Variants in HDAC9 observed in about 807,000 individuals in gnomAD.
HDAC9 encodes the protein histone deacetylase 9.
Under a neutral mutation model 139.4 loss-of-function variants are expected in HDAC9, and 41 were observed. The ratio of observed to expected loss-of-function variants is 0.29; its 90% confidence interval spans 0.23 to 0.38. The LOEUF (loss-of-function observed/expected upper bound fraction) is 0.38. Ranked by LOEUF, HDAC9 falls within the 10% of genes least tolerant of loss-of-function variation. The probability of loss-of-function intolerance (pLI) is 1.00; values close to 1 mark genes in which losing one functional copy is unlikely to be tolerated. For synonymous variants in HDAC9, 517 were observed against 476.2 expected (o/e 1.09, Z -1.12); for missense variants, 1,147 against 1,297.0 (o/e 0.88, Z 1.78).
At chr7:18,655,010 A>G (rs972212897) in intron 11 of HDAC9, among the ~76,000 whole-genome samples, 7 of 152,172 alleles carry the variant, frequency 4.6e-5, no homozygotes, top group Admixed American at 2.0e-4. Flanking sequence ...AGATTGGACA[A>G]ACATCTTCTC....
At chr7:18,975,638 T>C (rs756322597) in intron 24 of HDAC9, among the ~76,000 whole-genome samples, 168 bp from the exon 25 acceptor site, 1 of 152,190 alleles carries the variant, frequency 6.6e-6, no homozygotes, top group Non-Finnish European at 1.5e-5. Flanking sequence ...TTGGCATTCT[T>C]ATATTGAGAA....
intron 22 of HDAC9, among the ~76,000 whole-genome samples, chr7:18,912,631 C>T (rs1230037077): frequency 6.6e-6 from 1 of 152,052 alleles, no homozygotes; most frequent in Non-Finnish European, 1.5e-5. Context: ...TATTGCTGAA[C>T]ATTCTACAGT....
chr7:18,396,089 C>CTTCCCTTCCCTTCCCTTCCT lies in HDAC9; in HGVS notation c.-41-100154_-41-100153insTTTCCCTTCCCTTCCCTTCC. On this transcript the variant is annotated intron_variant, in intron 1 of 3. Transcript: ENST00000413509. ...GACTCTCAAAGTGTCATTCCCTTCCCTTCCCTTCCCTTCCCTTCCCTTCCC... is the reference window on the plus strand; with the variant it reads ...GACTCTCAAAGTGTCATTCCCTTCCCTTCCCTTCCCTTCCCTTCCTTTCCCTTCCCTTCCCTTCCCTTCCC... Among the ~76,000 whole-genome samples the CTTCCCTTCCCTTCCCTTCCT allele has an allele frequency of 5.3e-5, 6 of 112,976 alleles. No individual in the cohort carries two copies. In the East Asian group the frequency reaches 1.5e-3, roughly 28 times the overall value. The allele number at this position is 112,976 out of a possible 152,430, so 74.1% of individuals were successfully genotyped here.
chr7:18,823,088 G>A (rs1010015928), intron 17 of HDAC9, among the ~76,000 whole-genome samples: 1 of 152,200 alleles, frequency 6.6e-6, no homozygotes, highest in East Asian at 1.9e-4. Flanking sequence ...GGAAAGCTGT[G>A]AGTGAGATGT....
At chr7:18,727,076 A>G (rs1410584419) in intron 12 of HDAC9, among the ~76,000 whole-genome samples, 1 of 152,270 alleles carries the variant, frequency 6.6e-6, no homozygotes, top group Non-Finnish European at 1.5e-5. Context: ...AAAGGTGTCA[A>G]AATATAATTG....
intron 2 of HDAC9, among the ~76,000 whole-genome samples, chr7:18,243,612 A>G (rs1392720867): frequency 6.6e-6 from 1 of 152,260 alleles, no homozygotes; most frequent in Non-Finnish European, 1.5e-5. Context: ...GCAAAAGCCA[A>G]AAGGTAAGAT....
chr7:18,203,965 A>G (rs988829476), intron 2 of HDAC9, among the ~76,000 whole-genome samples: 5 of 152,302 alleles, frequency 3.3e-5, no homozygotes, highest in East Asian at 1.9e-4. Context: ...TGAGCTTTCA[A>G]TGTTTTGAAA....
At chr7:18,801,332 T>C (rs1793267656) in intron 17 of HDAC9, among the ~76,000 whole-genome samples, 1 of 152,120 alleles carries the variant, frequency 6.6e-6, no homozygotes, top group Admixed American at 6.5e-5. Flanking sequence ...TTGTATGAAA[T>C]GTTTTATAGG....
At chr7:18,372,090 C>T (rs1481971919) in intron 1 of HDAC9, among the ~76,000 whole-genome samples, 1 of 152,180 alleles carries the variant, frequency 6.6e-6, no homozygotes, top group Admixed American at 6.5e-5. Context: ...ATGAGCTCAG[C>T]TAACCCAGTA....
chr7:18,335,762 G>A (rs1186882792), intron 1 of HDAC9, among the ~76,000 whole-genome samples: 2 of 151,500 alleles, frequency 1.3e-5, no homozygotes, highest in East Asian at 1.9e-4. Flanking sequence ...CTATACCTGG[G>A]GTGGTACCAA....
intron 2 of HDAC9, among the ~76,000 whole-genome samples, chr7:18,216,290 A>G (rs558915152): frequency 2.0e-5 from 3 of 152,312 alleles, no homozygotes; most frequent in South Asian, 4.1e-4. Context: ...ATTAAAGTTC[A>G]TGGATTTCAC....
intron 2 of HDAC9, among the ~76,000 whole-genome samples, chr7:18,222,318 G>C (rs1792759534): frequency 6.6e-6 from 1 of 152,096 alleles, no homozygotes; most frequent in Non-Finnish European, 1.5e-5. Flanking sequence ...TAAAAAGGAA[G>C]TTAACACTTA....
At chr7:18,732,948 C>T (rs548250933) in intron 13 of HDAC9, among the ~76,000 whole-genome samples, 4 of 116,780 alleles carry the variant, frequency 3.4e-5, no homozygotes, top group Non-Finnish European at 4.9e-5. Flanking sequence ...TGTATACACA[C>T]GTGTATGTGT....
intron 6 of HDAC9, among the ~76,000 whole-genome samples, chr7:18,626,837 G>T (rs1390538190): frequency 1.3e-4 from 19 of 151,980 alleles, no homozygotes; most frequent in Admixed American, 1.1e-3. Flanking sequence ...TGTTTAAATG[G>T]CATATGCTAT....
intron 17 of HDAC9, among the ~76,000 whole-genome samples, chr7:18,828,722 A>T (rs1039606205): frequency 6.6e-6 from 1 of 152,170 alleles, no homozygotes; most frequent in Non-Finnish European, 1.5e-5. Flanking sequence ...ATAACCATCA[A>T]GGAGATCCAG....
intron 1 of HDAC9, among the ~76,000 whole-genome samples, chr7:18,134,763 T>G (rs1308850181): frequency 1.3e-5 from 2 of 152,126 alleles, no homozygotes; most frequent in Non-Finnish European, 2.9e-5. Flanking sequence ...ATTTGCTACA[T>G]TAGGGATTTC....
chr7:18,668,029 A>G (rs1795306308), intron 12 of HDAC9: 14 of 979,684 alleles, frequency 1.4e-5, no homozygotes, highest in Non-Finnish European at 1.7e-5. Flanking sequence ...CAAAGGAGAT[A>G]TAGCAGTTTT....
intron 1 of HDAC9, among the ~76,000 whole-genome samples, chr7:18,159,894 A>G (rs534814713): frequency 6.6e-6 from 1 of 152,180 alleles, no homozygotes; most frequent in Admixed American, 6.6e-5. Flanking sequence ...GTTTAACTTT[A>G]AAAAAGACTT....
chr7:18,797,665 T>C (rs1792921118), intron 17 of HDAC9, among the ~76,000 whole-genome samples: 1 of 151,900 alleles, frequency 6.6e-6, no homozygotes, highest in Admixed American at 6.6e-5. Flanking sequence ...CCGTGCTCAC[T>C]AAAAATACAA....
Sources: allele counts gnomAD v4.1 joint callset (sites outside exome capture counted in the v4.1 genomes callset), GRCh38; gene constraint gnomAD v4.1.1; transcripts MANE v1.5; gene names NCBI Gene and HGNC (gene_info 2026-07-23, HGNC 2026-07-21).